The following PCDHGB2 variants were observed in gnomAD, a reference collection of about 807,000 sequenced individuals.
PCDHGB2 encodes protocadherin gamma subfamily B, 2.
In PCDHGB2, 55 loss-of-function variants were observed where a neutral mutation model predicts 59.3. The observed-to-expected ratio is 0.93, with a 90% CI of 0.75 to 1.16. The LOEUF is 1.16. Ranked by LOEUF, PCDHGB2 falls within the 50% of genes most tolerant of loss-of-function variation. The probability of loss-of-function intolerance (pLI) is 0.00; values close to 1 mark genes in which losing one functional copy is unlikely to be tolerated. For synonymous variants in PCDHGB2, 516 were observed against 512.0 expected (o/e 1.01, Z -0.11); for missense variants, 1,228 against 1,198.5 (o/e 1.02, Z -0.36).
chr5:141,399,522 C>T, intron 1 of PCDHGB2: 6 of 1,614,056 alleles, frequency 3.7e-6, no homozygotes, highest in Non-Finnish European at 5.1e-6. Flanking sequence ...CTCCTGGGGC[C>T]TCCATCGCGC....
At chr5:141,479,470 T>G (rs2099497188) in intron 1 of PCDHGB2, 1 of 152,250 alleles carries the variant, frequency 6.6e-6, no homozygotes, top group African/African-American at 2.4e-5. Context: ...CAGTGACCTC[T>G]TGGGAGGGCA....
intron 1 of PCDHGB2, chr5:141,409,175 G>T: frequency 6.2e-7 from 1 of 1,614,008 alleles, no homozygotes; most frequent in Non-Finnish European, 8.5e-7. Flanking sequence ...GAAGGACGGA[G>T]GTGGTCTCTC....
intron 1 of PCDHGB2, chr5:141,419,693 A>G (rs1241615790): frequency 6.2e-7 from 1 of 1,612,884 alleles, no homozygotes; most frequent in Non-Finnish European, 8.5e-7. Flanking sequence ...GGTGCAGGCC[A>G]GTGAGCCCGG....
chr5:141,442,981 C>T (rs2098357132), intron 1 of PCDHGB2, among the ~76,000 whole-genome samples: 1 of 152,142 alleles, frequency 6.6e-6, no homozygotes, highest in African/African-American at 2.4e-5. Flanking sequence ...ATAAAGTTAG[C>T]CTATAATTTC....
rs545147450 is a variant in PCDHGB2 at position 141,380,989 on chromosome 5, A to C, written c.2421+18433A>C. On this transcript the variant is annotated intron_variant, in intron 1 of 3. Transcript: ENST00000522605. ...TATTAAACAAATAGAATTTAACTCC[A>C]GTTTACAGAATTCATCTATAATACC... is the stretch of plus-strand genomic sequence containing the variant. Among the ~76,000 whole-genome samples, 4 of 152,258 alleles carry C rather than the reference A, an allele frequency of 2.6e-5. No homozygotes were observed. In the South Asian group the frequency reaches 8.3e-4, roughly 32 times the overall value.
intron 1 of PCDHGB2, chr5:141,419,411 C>A (rs757881409): frequency 1.9e-6 from 3 of 1,613,462 alleles, no homozygotes; most frequent in Non-Finnish European, 2.5e-6. Context: ...GTTCGCGCAG[C>A]GCGCCTTCGA....
rs747132868 is a variant in PCDHGB2 at position 141,431,424 on chromosome 5, G to C, written c.2422-63383G>C. ...GCCTCCGACGGGGGCGACCCGGTGC[G>C]CACAGGCACCGCGCGCATCCGCGTG... On this transcript the variant is annotated intron_variant, in intron 1 of 3. Coordinates refer to ENST00000522605, the MANE Select transcript of PCDHGB2 (RefSeq NM_018923.3). This position sits in a 1 kb window ranked among gnomAD's most constrained non-coding sequence, Gnocchi z 4.8. The C allele has an allele frequency of 6.2e-7, 1 of 1,613,558 alleles. No individual in the cohort carries two copies. The highest frequency in any genetic ancestry group is 1.1e-5 in the South Asian group (1 of 91,082).
chr5:141,417,828 A>G (rs1439385565), intron 1 of PCDHGB2: 1 of 1,521,792 alleles, frequency 6.6e-7, no homozygotes, highest in Non-Finnish European at 8.8e-7. Context: ...CCAACTGGAA[A>G]AGCGGGGACC....
chr5:141,421,058 A>G, intron 1 of PCDHGB2: 2 of 577,316 alleles, frequency 3.5e-6, no homozygotes, highest in Non-Finnish European at 3.0e-6. Context: ...TCTACCACAC[A>G]AAGCGGAATG....
chr5:141,364,224 C>T (rs538812851), intron 1 of PCDHGB2: 29 of 1,356,016 alleles, frequency 2.1e-5, no homozygotes, highest in Admixed American at 6.0e-5. Context: ...GAAAAGCCAA[C>T]GCTCCACGCC....
At chr5:141,422,142 G>T in intron 1 of PCDHGB2, 1 of 1,583,694 alleles carries the variant, frequency 6.3e-7, no homozygotes, top group Non-Finnish European at 8.5e-7. Flanking sequence ...TTCAAGTACG[G>T]GGGTCTCTGG....
rs751278055 is a variant in PCDHGB2, at chr5:141,375,013, G to A, written c.2421+12457G>A. ...CAACTTCTGCAAATCTAGACTATGAGGACTCGAGTTTTTATGAGCTGGGTG... is the reference window on the plus strand; with the variant it reads ...CAACTTCTGCAAATCTAGACTATGAAGACTCGAGTTTTTATGAGCTGGGTG... On this transcript the variant is annotated intron_variant, in intron 1 of 3. Transcript: ENST00000522605. 6.8e-6 allele frequency: 11 copies of A among 1,613,886 alleles called. No homozygotes were observed. In the African/African-American group the frequency reaches 1.3e-4, roughly 20 times the overall value.
chr5:141,408,013 CCA>C, intron 1 of PCDHGB2: 1 of 989,288 alleles, frequency 1.0e-6, no homozygotes, highest in Non-Finnish European at 1.4e-6. Flanking sequence ...CCCTGCGCAG[CCA>C]ACAACAGAAA....
chr5:141,482,763 T>TGC (rs2099571981), intron 1 of PCDHGB2, among the ~76,000 whole-genome samples: 1 of 127,550 alleles, frequency 7.8e-6, no homozygotes, highest in African/African-American at 3.6e-5. Flanking sequence ...GGTATTTCAT[T>TGC]ATCACTGAAC....
At chr5:141,488,020 T>C (rs985558790) in intron 1 of PCDHGB2, among the ~76,000 whole-genome samples, 3 of 152,174 alleles carry the variant, frequency 2.0e-5, no homozygotes, top group African/African-American at 7.2e-5. Context: ...GTACCTTAAC[T>C]CTAGGTTACC....
chr5:141,492,125 C>T (rs1284932830), intron 1 of PCDHGB2, among the ~76,000 whole-genome samples: 1 of 152,222 alleles, frequency 6.6e-6, no homozygotes, highest in Non-Finnish European at 1.5e-5. Context: ...TTCTCCCCAG[C>T]TCCCAGCATC....
intron 1 of PCDHGB2, chr5:141,399,285 C>G (rs751998465): frequency 6.2e-7 from 1 of 1,613,838 alleles, no homozygotes; most frequent in Non-Finnish European, 8.5e-7. Flanking sequence ...AAGGCGAAGT[C>G]CCTTTTAAGA....
chr5:141,454,625 C>G (rs1193628253), intron 1 of PCDHGB2, among the ~76,000 whole-genome samples: 1 of 151,512 alleles, frequency 6.6e-6, no homozygotes, highest in Admixed American at 6.6e-5. Context: ...AGGCTGGTCT[C>G]GAACCCCCAA....
At chr5:141,419,644 C>T (rs867285747) in intron 1 of PCDHGB2, 1 of 1,612,514 alleles carries the variant, frequency 6.2e-7, no homozygotes, top group Middle Eastern at 1.7e-4. Context: ...TGGCCGTGGA[C>T]GCGGACTCGG....
Sources: allele counts gnomAD v4.1 joint callset (sites outside exome capture counted in the v4.1 genomes callset), GRCh38; gene constraint gnomAD v4.1.1; non-coding constraint Gnocchi (gnomAD v3.1); transcripts MANE v1.5; gene names NCBI Gene and HGNC (gene_info 2026-07-23, HGNC 2026-07-21).